The following C2CD2 variants were observed in gnomAD, a reference collection of about 807,000 sequenced individuals.
The protein encoded by C2CD2 is C2 domain-containing protein 2.
C2CD2 carries 43 observed loss-of-function variants against 74.3 expected under a neutral mutation model. The ratio of observed to expected loss-of-function variants is 0.58; its 90% CI spans 0.45 to 0.75. The LOEUF (loss-of-function observed/expected upper bound fraction) is 0.75. Among genes scored for constraint, C2CD2 ranks in the 30% least tolerant of loss-of-function variants. The probability of loss-of-function intolerance (pLI) is 0.00; values close to 1 mark genes in which losing one functional copy is unlikely to be tolerated. For missense variants in C2CD2, 801 were observed against 916.3 expected, an observed-to-expected ratio of 0.87 and a Z score of 1.63; for synonymous variants, 422 against 390.7, an observed-to-expected ratio of 1.08 and a Z score of -0.94.
At chr21:41,935,155 G>T (rs914094016) in intron 2 of C2CD2, among the ~76,000 whole-genome samples, 4 of 152,186 alleles carry the variant, frequency 2.6e-5, no homozygotes, top group African/African-American at 9.6e-5. Flanking sequence ...CTTCCAAAGT[G>T]CTGGGATTAC....
rs572174811 is a variant in C2CD2 at position 41,933,306 on chromosome 21, G to A, written c.378+8841C>T. On this transcript the variant is annotated intron_variant, in intron 2 of 13. Coordinates refer to ENST00000380486, the MANE Select transcript of C2CD2 (RefSeq NM_015500.2). ...GAATTATGCCCAGCTGAGGGAACAC[G>A]AGGCGGTGCAGACACGGAATTAGGT... Among the ~76,000 whole-genome samples the A allele has an allele frequency of 5.3e-5, 8 of 151,136 alleles. No individual in the cohort carries two copies. In the South Asian group the frequency reaches 1.1e-3, roughly 20 times the overall value.
In C2CD2 at chr21:41,902,049, GT is replaced by G. The variant is rs547705960; in HGVS notation, c.1433-301del. ...TTTTTCCTATGGGCCATAGTTTGCT[GT>G]TTGCTGACCCCTGGTCTACAGCTTG... On this transcript the variant is annotated intron_variant, in intron 11 of 13. Transcript: ENST00000380486. 6.0e-4 allele frequency among the ~76,000 whole-genome samples: 92 copies of G among 152,288 alleles called. 1 individual carries two copies. Among genetic ancestry groups the G allele is most frequent in the African/African-American group, 2.0e-3 (83 of 41,552 alleles).
rs2064680101 is a variant in C2CD2, at chr21:41,886,049, A to C, written c.*3075T>G. 1 of 152,276 alleles carries C rather than the reference A, an allele frequency of 6.6e-6. No individual in the cohort carries two copies. The highest frequency in any genetic ancestry group is 1.5e-5 in the Non-Finnish European group (1 of 68,046). 9.4% of individuals were successfully genotyped at this position (152,276 alleles called of 1,614,324 possible). On this transcript the variant is annotated 3_prime_UTR_variant, in exon 14 of 14. Transcript: ENST00000380486. Reference sequence around the variant, plus strand: ...ACACATAACACACACACACACTTAAAGCTCCATTTCACTCCTCCACAAAGA... The same window carrying C: ...ACACATAACACACACACACACTTAACGCTCCATTTCACTCCTCCACAAAGA...
At chr21:41,919,483 A>C (rs1169042488) in intron 3 of C2CD2, among the ~76,000 whole-genome samples, 3 of 152,206 alleles carry the variant, frequency 2.0e-5, no homozygotes, top group Non-Finnish European at 4.4e-5. Context: ...GTCGACAACC[A>C]GATGCCATCA....
At chr21:41,921,881 G>A (rs2065157463) in intron 3 of C2CD2, 91 bp downstream of exon 3, 4 of 748,360 alleles carry the variant, frequency 5.3e-6, no homozygotes, top group South Asian at 3.2e-5. Context: ...AAACATGAAC[G>A]TTACAGCCCT....
At chr21:41,897,484 T>A (rs2064837549) in intron 13 of C2CD2, among the ~76,000 whole-genome samples, 1 of 152,102 alleles carries the variant, frequency 6.6e-6, no homozygotes, top group Non-Finnish European at 1.5e-5. Flanking sequence ...CCAAGGCCTC[T>A]TAACAGGAGC....
At position 41,929,513 on chromosome 21, in the gene C2CD2, G is replaced by C. The variant is rs187674309; in HGVS notation, c.379-7428C>G. 6.6e-6 allele frequency among the ~76,000 whole-genome samples: 1 copy of C among 152,342 alleles called. No homozygotes were observed. Among genetic ancestry groups the C allele is most frequent in the East Asian group, 1.9e-4 (1 of 5,192 alleles). ...AGAGAAAGAAGGAAGTGCCCTAAAC[G>C]AGCCCAGATCCAATCAGGGTCTCCC... On this transcript the variant is annotated intron_variant, in intron 2 of 13. Transcript: ENST00000380486. The surrounding 1 kb of genome is among the most constrained non-coding windows in gnomAD (Gnocchi z 4.6).
At chr21:41,937,837 G>C (rs1302249998) in intron 2 of C2CD2, among the ~76,000 whole-genome samples, 3 of 152,140 alleles carry the variant, frequency 2.0e-5, no homozygotes, top group Non-Finnish European at 4.4e-5. Context: ...TTATGTTAAG[G>C]GAAATAAATC....
chr21:41,917,310 A>G (rs1569070438), intron 5 of C2CD2, among the ~76,000 whole-genome samples: 1 of 152,232 alleles, frequency 6.6e-6, no homozygotes, highest in Non-Finnish European at 1.5e-5. Context: ...GTATTTTCAA[A>G]CTGACTTCAC....
At chr21:41,908,961 T>C (rs1453097870) in intron 8 of C2CD2, among the ~76,000 whole-genome samples, 1 of 151,890 alleles carries the variant, frequency 6.6e-6, no homozygotes, top group Non-Finnish European at 1.5e-5. Flanking sequence ...AAAAACCCAG[T>C]GAAATTCATA....
chr21:41,919,135 A>G, intron 3 of C2CD2, 175 bp from the exon 4 acceptor site: 1 of 617,076 alleles, frequency 1.6e-6, no homozygotes, highest in East Asian at 2.8e-5. Context: ...TGTGCATATG[A>G]GCATGTGTGC....
At chr21:41,912,304 C>T in intron 7 of C2CD2, 28 bp downstream of exon 7, 1 of 1,423,536 alleles carries the variant, frequency 7.0e-7, no homozygotes, top group Non-Finnish European at 9.9e-7. Flanking sequence ...GCCGTGGACA[C>T]ACAGGCCCAT....
In C2CD2 at chr21:41,899,403, AG is replaced by A; in HGVS notation, c.1561-42del. Reference sequence around the variant, plus strand: ...GGGAAGATGACAAGGGATACATGAAAGGAAGGGAGGGTTTGAAAAGAACTGA... The same window carrying A: ...GGGAAGATGACAAGGGATACATGAAAGAAGGGAGGGTTTGAAAAGAACTGA... On this transcript the variant is annotated intron_variant, in intron 12 of 13. Transcript: ENST00000380486. The surrounding 1 kb of genome is among the most constrained non-coding windows in gnomAD (Gnocchi z 4.4). The A allele has an allele frequency of 6.4e-7, 1 of 1,564,818 alleles. No individual in the cohort carries two copies. The highest frequency in any genetic ancestry group is 1.7e-4 in the Middle Eastern group (1 of 5,974).
intron 13 of C2CD2, among the ~76,000 whole-genome samples, chr21:41,893,276 T>C (rs949841686): frequency 6.6e-6 from 1 of 152,196 alleles, no homozygotes; most frequent in African/African-American, 2.4e-5. Context: ...CTGAGGTAAG[T>C]GTTTTGCTTG....
intron 6 of C2CD2, among the ~76,000 whole-genome samples, chr21:41,914,119 G>A (rs1055203236): frequency 2.0e-5 from 3 of 152,040 alleles, no homozygotes; most frequent in Non-Finnish European, 4.4e-5. Flanking sequence ...CCAGCTACTA[G>A]GGAGGCTGAG....
intron 8 of C2CD2, among the ~76,000 whole-genome samples, chr21:41,909,138 T>C (rs935875649): frequency 6.6e-6 from 1 of 152,228 alleles, no homozygotes; most frequent in Non-Finnish European, 1.5e-5. Flanking sequence ...GTTTTTGTTT[T>C]TGTTTTCCAA....
intron 1 of C2CD2, chr21:41,953,122 G>A (rs1028558820): frequency 7.7e-6 from 3 of 388,050 alleles, no homozygotes; most frequent in Non-Finnish European, 1.4e-5. Context: ...CTGCCAGCCT[G>A]TCCCTCGCGG....
intron 8 of C2CD2, chr21:41,908,243 T>TTTGTGTGTGTGTGTGTGTG (rs1555901419): frequency 5.9e-6 from 1 of 168,698 alleles, no homozygotes; most frequent in Non-Finnish European, 1.2e-5. Flanking sequence ...TACCCTCAAG[T>TTTGTGTGTGTGTGTGTGTG]TGTGTGTGTG....
chr21:41,929,400 G>A lies in C2CD2; in HGVS notation c.379-7315C>T, dbSNP rs950896324. ...TCACATGCCACAACGTGTGCCATGC[G>A]GGGTACTGCACGGGCACAGGCCTGC... On this transcript the variant is annotated intron_variant, in intron 2 of 13. Transcript: ENST00000380486. This position sits in a 1 kb window ranked among gnomAD's most constrained non-coding sequence, Gnocchi z 4.6. 1.3e-5 allele frequency among the ~76,000 whole-genome samples: 2 copies of A among 152,194 alleles called. No homozygotes were observed. The highest frequency in any genetic ancestry group is 1.9e-4 in the East Asian group (1 of 5,194).
Sources: allele counts gnomAD v4.1 joint callset (sites outside exome capture counted in the v4.1 genomes callset), GRCh38; gene constraint gnomAD v4.1.1; non-coding constraint Gnocchi (gnomAD v3.1); transcripts MANE v1.5; gene names NCBI Gene and HGNC (gene_info 2026-07-23, HGNC 2026-07-21).